Variants in ST7L observed in about 807,000 individuals in gnomAD.
The protein encoded by ST7L is suppressor of tumorigenicity 7 protein-like.
ST7L carries 57 observed loss-of-function variants against 72.5 expected under a neutral mutation model. That is an observed-to-expected ratio of 0.79 (90% CI 0.64 to 0.98). ST7L has a LOEUF of 0.98. Among genes scored for constraint, ST7L ranks in the 50% least tolerant of loss-of-function variants. ST7L has a pLI of 0.00. For synonymous variants in ST7L, 221 were observed against 240.9 expected (o/e 0.92, Z 0.77); for missense variants, 576 against 672.2 (o/e 0.86, Z 1.58).
chr1:112,617,020 T>C (rs1230098251), intron 1 of ST7L, 125 bp from the exon 2 acceptor site: 4 of 593,018 alleles, frequency 6.7e-6, no homozygotes, highest in Non-Finnish European at 1.2e-5. Flanking sequence ...TGAAATTCAC[T>C]TGAAAAAGTT....
At chr1:112,589,640 G>A (rs1175851253) in intron 6 of ST7L, among the ~76,000 whole-genome samples, 3 of 152,094 alleles carry the variant, frequency 2.0e-5, no homozygotes, top group African/African-American at 7.2e-5. Context: ...TTAGCCTCGT[G>A]GTCAGTTGGT....
intron 14 of ST7L, among the ~76,000 whole-genome samples, chr1:112,541,320 C>A (rs140823277): frequency 7.2e-5 from 11 of 151,874 alleles, no homozygotes; most frequent in African/African-American, 2.2e-4. Flanking sequence ...GGGATACCCA[C>A]TCTAGTATCA....
intron 12 of ST7L, among the ~76,000 whole-genome samples, chr1:112,552,473 C>T (rs1037536280): frequency 1.3e-5 from 2 of 152,058 alleles, no homozygotes; most frequent in Non-Finnish European, 2.9e-5. Context: ...GGTGCGATCT[C>T]GGCTCACCAC....
intron 12 of ST7L, among the ~76,000 whole-genome samples, chr1:112,553,134 G>T (rs1658506165): frequency 6.6e-6 from 1 of 151,900 alleles, no homozygotes; most frequent in Non-Finnish European, 1.5e-5. Context: ...CTTTTGAGGA[G>T]CTTATGGACT....
chr1:112,598,973 T>A (rs1666916262), intron 4 of ST7L, among the ~76,000 whole-genome samples: 1 of 145,746 alleles, frequency 6.9e-6, no homozygotes, highest in African/African-American at 2.6e-5. Context: ...GGCAGAAGAA[T>A]CACTTGAACC....
At chr1:112,529,336 T>G (rs970621873) in intron 14 of ST7L, 2 of 152,186 alleles carry the variant, frequency 1.3e-5, no homozygotes, top group African/African-American at 4.8e-5. Context: ...CTAGGTAGTT[T>G]ATAAAGGGTG....
chr1:112,540,902 G>C, intron 14 of ST7L: 1 of 1,227,604 alleles, frequency 8.1e-7, no homozygotes, highest in Non-Finnish European at 1.1e-6. Context: ...GTACAAGAAA[G>C]ATGCATTTTT....
At chr1:112,586,377 G>T (rs1270517662) in intron 6 of ST7L, among the ~76,000 whole-genome samples, 1 of 152,126 alleles carries the variant, frequency 6.6e-6, no homozygotes, top group African/African-American at 2.4e-5. Context: ...GGAGTTTGAG[G>T]TTACAATGAA....
At chr1:112,541,005 C>T in intron 14 of ST7L, 1 of 518,178 alleles carries the variant, frequency 1.9e-6, no homozygotes, top group Non-Finnish European at 3.1e-6. Context: ...TAAATAGTTG[C>T]TGGGCATGGC....
At chr1:112,575,240 A>G (rs2101812971) in intron 11 of ST7L, among the ~76,000 whole-genome samples, 1 of 152,332 alleles carries the variant, frequency 6.6e-6, no homozygotes, top group Non-Finnish European at 1.5e-5. Context: ...CTGTCTAAAG[A>G]AAAATAAAAG....
chr1:112,541,253 C>CA (rs1656048019), intron 14 of ST7L, among the ~76,000 whole-genome samples: 1 of 151,316 alleles, frequency 6.6e-6, no homozygotes, highest in African/African-American at 2.4e-5. Flanking sequence ...CACTGCACTC[C>CA]AGCCTGGGTC....
chr1:112,555,971 C>G lies in ST7L; in HGVS notation c.1293G>C (p.Leu431=), dbSNP rs200916447. 6.2e-7 allele frequency: 1 copy of G among 1,611,480 alleles called. No homozygotes were observed. Among genetic ancestry groups the G allele is most frequent in the African/African-American group, 1.3e-5 (1 of 75,004 alleles). Residue 431 remains leucine (L), a synonymous_variant, in exon 12 of 15, where the codon CTG becomes CTC. Transcript: ENST00000358039. ...KSLILPPEHI[L]KRGDSEAIAY... is the part of the protein sequence containing the mutation. ...CAATTGCTTCACTATCACCCCGTTTCAGAATGTGTTCTGGAGGTAAAATTA... is the reference window on the plus strand; with the variant it reads ...CAATTGCTTCACTATCACCCCGTTTGAGAATGTGTTCTGGAGGTAAAATTA...
At chr1:112,616,919 G>C in intron 1 of ST7L, 24 bp from the exon 2 acceptor site, 4 of 1,559,156 alleles carry the variant, frequency 2.6e-6, no homozygotes, top group Non-Finnish European at 3.5e-6. Context: ...AAGAATCAAA[G>C]TTTTAAAAAA....
At chr1:112,595,776 T>C (rs146829485) in intron 5 of ST7L, among the ~76,000 whole-genome samples, 3,067 of 152,296 alleles carry the variant, frequency 0.02, 106 homozygotes, top group African/African-American at 0.069. Flanking sequence ...TTTCATAACA[T>C]AGATTGAAAT....
At chr1:112,601,195 T>C (rs1392250356) in intron 3 of ST7L, among the ~76,000 whole-genome samples, 2 of 152,188 alleles carry the variant, frequency 1.3e-5, no homozygotes, top group Admixed American at 6.5e-5. Flanking sequence ...GAATTAAATA[T>C]AGTATGAGAG....
chr1:112,571,371 T>C, intron 11 of ST7L: 1 of 455,558 alleles, frequency 2.2e-6, no homozygotes, highest in Admixed American at 2.4e-5. Context: ...AAAATGACAT[T>C]AAAATGTTAA....
At chr1:112,520,371 A>C, downstream of ST7L, 1 of 1,614,150 alleles carries the variant, frequency 6.2e-7, no homozygotes, top group Non-Finnish European at 8.5e-7. Flanking sequence ...GGTACGACAC[A>C]ACTCGAGTCA....
chr1:112,550,806 AT>A, intron 12 of ST7L, 113 bp from the exon 13 acceptor site: 1 of 744,748 alleles, frequency 1.3e-6, no homozygotes, highest in Non-Finnish European at 2.2e-6. Context: ...TTAGTGAGAC[AT>A]TTAGATACGA....
At chr1:112,583,866 T>C in intron 7 of ST7L, 106 bp downstream of exon 7, 6 of 1,311,434 alleles carry the variant, frequency 4.6e-6, no homozygotes, top group Non-Finnish European at 6.3e-6. Context: ...CCAGTGAAAA[T>C]TAACTAACCT....
Sources: gnomAD v4.1 joint callset for allele counts (sites outside exome capture counted in the v4.1 genomes callset) on GRCh38, gnomAD v4.1.1 for gene constraint, MANE v1.5 for transcripts, NCBI Gene and HGNC (gene_info 2026-07-23, HGNC 2026-07-21) for gene names.